The following PIEZO1 variants were observed in gnomAD, a reference collection of about 807,000 sequenced individuals.
The protein encoded by PIEZO1 is piezo type mechanosensitive ion channel component 1 (Er blood group).
In PIEZO1, 296 loss-of-function variants were observed where a neutral mutation model predicts 297.2. The ratio of observed to expected loss-of-function variants is 1.00; its 90% CI spans 0.91 to 1.10. PIEZO1 has a LOEUF of 1.10. PIEZO1 is among the 50% of genes least tolerant of loss of function. The pLI, the probability that PIEZO1 is intolerant of heterozygous loss-of-function variation, is 0.00. For synonymous variants in PIEZO1, 2,427 were observed against 1,507.5 expected (o/e 1.61, Z -14.13); for missense variants, 5,018 against 3,455.5 (o/e 1.45, Z -11.34).
chr16:88,774,112 T>G (rs1211605989), intron 1 of PIEZO1, among the ~76,000 whole-genome samples: 1 of 152,236 alleles, frequency 6.6e-6, no homozygotes, highest in African/African-American at 2.4e-5. Flanking sequence ...CAGGCAGGGC[T>G]GGGTGGGCGT....
chr16:88,782,960 G>A (rs1211510944), intron 1 of PIEZO1, among the ~76,000 whole-genome samples: 4 of 152,262 alleles, frequency 2.6e-5, no homozygotes, highest in Non-Finnish European at 5.9e-5. Context: ...CAGAATCAGT[G>A]TGGGGTATGG....
At chr16:88,725,177 C>G in intron 29 of PIEZO1, 97 bp from the exon 30 acceptor site, 1 of 847,594 alleles carries the variant, frequency 1.2e-6, no homozygotes, top group Admixed American at 3.2e-5. Flanking sequence ...TAGGTGGAGA[C>G]AGACACGGAC....
rs116659356 is a variant in PIEZO1 at position 88,719,439 on chromosome 16, C to T, written c.6471+135G>A. The T allele has an allele frequency of 2.6e-3, 1,966 of 765,530 alleles. 30 individuals are homozygous for T. In the African/African-American group the frequency reaches 0.03, roughly 12 times the overall value. 47.4% of individuals were successfully genotyped at this position (765,530 alleles called of 1,614,324 possible). Reference sequence around the variant, plus strand: ...CTCGTGATCAGCTAGTGGGTGGGCTCGCCTCATGTCCCCATGGGCTCCGAG... The same window carrying T: ...CTCGTGATCAGCTAGTGGGTGGGCTTGCCTCATGTCCCCATGGGCTCCGAG... On this transcript the variant is annotated intron_variant, in intron 44 of 50. Coordinates refer to ENST00000301015, the MANE Select transcript of PIEZO1 (RefSeq NM_001142864.4).
intron 30 of PIEZO1, among the ~76,000 whole-genome samples, chr16:88,724,754 GACC>G (rs1038135601): frequency 5.9e-5 from 9 of 152,142 alleles, no homozygotes; most frequent in African/African-American, 2.2e-4. Flanking sequence ...ATCGCTGCTC[GACC>G]ACCATGTGTC....
rs932303002 is a variant in PIEZO1 at position 88,725,515 on chromosome 16, C to T, written c.4063G>A (p.Glu1355Lys). 1.2e-5 allele frequency: 19 copies of T among 1,536,494 alleles called. No homozygotes were observed. In the South Asian group the frequency reaches 1.6e-4, roughly 13 times the overall value. Residue 1355 changes from glutamate to lysine, a missense_variant, in exon 29 of 51, where the codon GAG becomes AAG. Coordinates refer to ENST00000301015, the MANE Select transcript of PIEZO1 (RefSeq NM_001142864.4). ...TTCTCCTGCTTGGCACGGATACGCTCCATCCTGTGGTGGGGAAAGGTGGGG... is the reference window on the plus strand; with the variant it reads ...TTCTCCTGCTTGGCACGGATACGCTTCATCCTGTGGTGGGGAAAGGTGGGG... ...KSLAQLKRQM[E>K]RIRAKQEKHR... is the part of the protein sequence containing the mutation.
At chr16:88,720,590 A>G (rs765299416) in intron 40 of PIEZO1, 26 bp downstream of exon 40, 2 of 900,338 alleles carry the variant, frequency 2.2e-6, no homozygotes, top group Non-Finnish European at 3.0e-6. Context: ...CCCACTCCCC[A>G]GCTGCCCCCG....
chr16:88,784,490 T>C lies in PIEZO1; in HGVS notation c.64+411A>G, dbSNP rs528221480. Reference sequence around the variant, plus strand: ...AGGAAGTCCTGATGCAACTTTGCGCTTTTTTTTTTAAACCCGAAAGAGAAA... The same window carrying C: ...AGGAAGTCCTGATGCAACTTTGCGCCTTTTTTTTTAAACCCGAAAGAGAAA... On this transcript the variant is annotated intron_variant, in intron 1 of 50. Transcript: ENST00000301015. Among the ~76,000 whole-genome samples the C allele has an allele frequency of 4.2e-4, 40 of 95,288 alleles. No homozygotes were observed. In the East Asian group the frequency reaches 0.011, roughly 27 times the overall value. 62.5% of individuals were successfully genotyped at this position (95,288 alleles called of 152,430 possible).
At position 88,726,700 on chromosome 16, in the gene PIEZO1, G is replaced by C. The variant is rs1451421699; in HGVS notation, c.3699+15C>G. On this transcript the variant is annotated intron_variant, in intron 25 of 50. Coordinates refer to ENST00000301015, the MANE Select transcript of PIEZO1 (RefSeq NM_001142864.4). ...GGGCCCCAGGGCGGTGGGTGCGGGG[G>C]GGCCGGAGGCTCACCGACAGCATGT... is the stretch of plus-strand genomic sequence containing the variant. The C allele has an allele frequency of 7.1e-6, 11 of 1,548,748 alleles. No individual in the cohort carries two copies. The highest frequency in any genetic ancestry group is 5.9e-5 in the Admixed American group (3 of 50,992).
rs552513189 is a variant in PIEZO1 at position 88,757,320 on chromosome 16, G to C, written c.65-7841C>G. Reference sequence around the variant, plus strand: ...TGGGTATGCAGGGGGCGTTGCTGGCGGGGGGGTGGGGGGTAGTTACCTAAC... The same window carrying C: ...TGGGTATGCAGGGGGCGTTGCTGGCCGGGGGGTGGGGGGTAGTTACCTAAC... On this transcript the variant is annotated intron_variant, in intron 1 of 50. Coordinates refer to ENST00000301015, the MANE Select transcript of PIEZO1 (RefSeq NM_001142864.4). Among the ~76,000 whole-genome samples, 38 of 44,718 alleles carry C rather than the reference G, an allele frequency of 8.5e-4. 2 individuals are homozygous for C. The highest frequency in any genetic ancestry group is 9.4e-3 in the Middle Eastern group (1 of 106). 29.3% of individuals were successfully genotyped at this position (44,718 alleles called of 152,430 possible).
Position 88,723,920 on chromosome 16 carries a change from T to C in PIEZO1, c.4286A>G (p.Glu1429Gly), listed in dbSNP as rs918454892. The C allele has an allele frequency of 1.3e-6, 2 of 1,549,714 alleles. No homozygotes were observed. Among genetic ancestry groups the C allele is most frequent in the African/African-American group, 2.7e-5 (2 of 73,062 alleles). Residue 1429 changes from glutamate to glycine, a missense_variant, in exon 31 of 51, where the codon GAG (glutamate) becomes GGG (glycine). Transcript: ENST00000301015. ...FLFESDSEEE[E>G]EAVPEDPRPS... is the part of the protein sequence containing the mutation. ...CCTCGGGTCTTCAGGAACAGCCTCC[T>C]CCTCTTCCTCACTGTCGGACTCAAA... is the stretch of plus-strand genomic sequence containing the variant.
rs764365348 is a variant in PIEZO1, at chr16:88,720,126, G to A, written c.6107C>T (p.Ala2036Val). The change falls in exon 42 of 51, where the codon GCG becomes GTG. Residue 2036 changes from alanine (A) to valine (V), a missense_variant. By Grantham distance (64) the Ala-to-Val change is moderately conservative (BLOSUM62 0). Transcript: ENST00000301015. ...TVLGKLAFQV[A>V]LVLAIHLWMF... ...CCATAGGTGGATGGCCAGCACCAGC[G>A]CCACCTGGAAGGCCAGCTTGCCCAG... 91 of 1,550,420 alleles carry A rather than the reference G, an allele frequency of 5.9e-5. 1 individual carries two copies. The highest frequency in any genetic ancestry group is 4.1e-4 in the Admixed American group (21 of 51,012).
intron 2 of PIEZO1, chr16:88,745,035 G>T (rs977070775): frequency 1.3e-5 from 2 of 152,096 alleles, no homozygotes; most frequent in African/African-American, 4.8e-5. Context: ...TGGCTTTCTC[G>T]TGCCTCCACC....
At chr16:88,778,271 T>G (rs1406400557) in intron 1 of PIEZO1, among the ~76,000 whole-genome samples, 2 of 152,114 alleles carry the variant, frequency 1.3e-5, no homozygotes, top group African/African-American at 2.4e-5. Context: ...TGGGCCCATT[T>G]TAGCCGCCCA....
rs1324788557 is a variant in PIEZO1, at chr16:88,723,011, TGCGGGAGG to T, written c.4496-10_4496-3del. ...CCCTCTGCACCACATGGCTCCGGCC[TGCGGGAGG>T]GCGGGAGGGGGCGCTGGAGGGGCAG... On this transcript the variant is annotated splice_polypyrimidine_tract_variant and splice_region_variant and intron_variant, in intron 33 of 50. Transcript: ENST00000301015. 17 of 1,411,178 alleles carry T rather than the reference TGCGGGAGG, an allele frequency of 1.2e-5. No homozygotes were observed. The highest frequency in any genetic ancestry group is 3.0e-5 in the East Asian group (1 of 33,494). 87.4% of individuals were successfully genotyped at this position (1,411,178 alleles called of 1,614,324 possible). A position where few individuals can be genotyped will look rare whatever the true frequency, so the allele number is the denominator to read the frequency against.
At chr16:88,737,460 G>T (rs1182756404) in intron 10 of PIEZO1, 99 bp downstream of exon 10, 5 of 789,026 alleles carry the variant, frequency 6.3e-6, no homozygotes, top group Non-Finnish European at 9.9e-6. Flanking sequence ...CAGAGGTGCG[G>T]CGCGAGCATG....
intron 1 of PIEZO1, among the ~76,000 whole-genome samples, chr16:88,750,790 G>A (rs1362918821): frequency 6.6e-6 from 1 of 152,192 alleles, no homozygotes; most frequent in Non-Finnish European, 1.5e-5. Context: ...GAGGACACTG[G>A]GACTGGAAAG....
intron 2 of PIEZO1, among the ~76,000 whole-genome samples, chr16:88,747,393 G>A (rs1906118670): frequency 6.6e-6 from 1 of 152,220 alleles, no homozygotes; most frequent in African/African-American, 2.4e-5. Context: ...GTGGGCGCCT[G>A]TAATCCCAGC....
intron 30 of PIEZO1, 144 bp downstream of exon 30, chr16:88,724,865 C>G (rs915143860): frequency 1.8e-6 from 1 of 553,882 alleles, no homozygotes; most frequent in Non-Finnish European, 3.1e-6. Context: ...TGAGGCACCC[C>G]CCGACCCAGG....
At position 88,715,830 on chromosome 16, in the gene PIEZO1, G is replaced by A. The variant is rs549089657; in HGVS notation, c.7341C>T (p.Ile2447=). ...GCACGAACTTGCCGATGACCAGCAC[G>A]ATGGACACGTACAGCCCCATGATGC... ...GYGIMGLYVS[I]VLVIGKFVRG... Residue 2447 remains isoleucine, a synonymous_variant, in exon 51 of 51, where the codon ATC becomes ATT. Transcript: ENST00000301015. 4.7e-4 allele frequency: 734 copies of A among 1,550,236 alleles called. 3 individuals are homozygous for A. The highest frequency in any genetic ancestry group is 3.3e-4 in the Middle Eastern group (2 of 5,990).
Sources: allele counts gnomAD v4.1 joint callset (sites outside exome capture counted in the v4.1 genomes callset), GRCh38; gene constraint gnomAD v4.1.1; transcripts MANE v1.5; gene names NCBI Gene and HGNC (gene_info 2026-07-23, HGNC 2026-07-21).